Variants in NLRP3 observed in about 807,000 individuals in gnomAD.
The protein encoded by NLRP3 is NLR family pyrin domain containing 3, also known as NACHT, LRR and PYD domains-containing protein 3.
In NLRP3, 48 loss-of-function variants were observed where a neutral mutation model predicts 91.3. The observed-to-expected ratio is 0.53, with a 90% CI of 0.42 to 0.67. The LOEUF is 0.67. Ranked by LOEUF, NLRP3 falls within the 30% of genes least tolerant of loss-of-function variation. The pLI is 0.00. For missense variants in NLRP3, 982 were observed against 1,276.9 expected (o/e 0.77, Z 3.52); for synonymous variants, 561 against 507.9 (o/e 1.10, Z -1.41).
At chr1:247,447,476 A>T (rs1664659163) in intron 9 of NLRP3, among the ~76,000 whole-genome samples, 1 of 152,226 alleles carries the variant, frequency 6.6e-6, no homozygotes, top group African/African-American at 2.4e-5. Flanking sequence ...ACAAACATTC[A>T]GTATATAACA....
chr1:247,446,212 C>T (rs1044153838), intron 9 of NLRP3, among the ~76,000 whole-genome samples: 1 of 152,180 alleles, frequency 6.6e-6, no homozygotes, highest in African/African-American at 2.4e-5. Flanking sequence ...CACTTCAGGC[C>T]AGCTTCACGG....
rs150396172 is a variant in NLRP3, at chr1:247,424,087, A to G, written c.638A>G (p.His213Arg). 77 of 1,614,098 alleles carry G rather than the reference A, an allele frequency of 4.8e-5. No individual in the cohort carries two copies. In the African/African-American group the frequency reaches 9.2e-4, roughly 19 times the overall value. Residue 213 changes from histidine to arginine, a missense_variant, in exon 4 of 10, where the codon CAT becomes CGT. Coordinates refer to ENST00000336119, the MANE Select transcript of NLRP3 (RefSeq NM_001243133.2). The surrounding 1 kb of genome is among the most constrained non-coding windows in gnomAD (Gnocchi z 8.1). ...MELLFDPDDE[H>R]SEPVHTVVFQ... Reference sequence around the variant, plus strand: ...TTGCTGTTTGACCCCGATGATGAGCATTCTGAGCCTGTGCACACCGTGGTG... The same window carrying G: ...TTGCTGTTTGACCCCGATGATGAGCGTTCTGAGCCTGTGCACACCGTGGTG...
At chr1:247,448,245 G>A (rs1439816467) in intron 9 of NLRP3, among the ~76,000 whole-genome samples, 160 bp from the exon 10 acceptor site, 1 of 149,596 alleles carries the variant, frequency 6.7e-6, no homozygotes. Context: ...AGGACGCGGA[G>A]CACTCTGGGA....
chr1:247,435,487 T>C lies in NLRP3; in HGVS notation c.2493-483T>C, dbSNP rs114218772. Among the ~76,000 whole-genome samples, 1,101 of 152,288 alleles carry C rather than the reference T, an allele frequency of 7.2e-3. 13 individuals are homozygous for C. The highest frequency in any genetic ancestry group is 0.025 in the African/African-American group (1,033 of 41,552). On this transcript the variant is annotated intron_variant, in intron 6 of 9. Transcript: ENST00000336119. ...AGACTCGAAAGGGCAAATACTCTGA[T>C]TGTCCTTATAGGAGGTGTCTAGAAC...
rs776947222 is a variant in NLRP3 at position 247,425,415 on chromosome 1, T to A, written c.1966T>A (p.Ser656Thr). The A allele has an allele frequency of 1.2e-6, 2 of 1,614,188 alleles. No homozygotes were observed. Among genetic ancestry groups the A allele is most frequent in the Non-Finnish European group, 1.7e-6 (2 of 1,180,026 alleles). Residue 656 changes from serine (S) to threonine (T), a missense_variant, in exon 4 of 10, where the codon TCC (serine) becomes ACC (threonine). By Grantham distance (58) the Ser-to-Thr change is moderately conservative. Coordinates refer to ENST00000336119, the MANE Select transcript of NLRP3 (RefSeq NM_001243133.2). This position sits in a 1 kb window ranked among gnomAD's most constrained non-coding sequence, Gnocchi z 4.1. ...DYFPKIEINL[S>T]TRMDHMVSSF... ...TTTCCCCAAGATTGAGATCAATCTC[T>A]CCACCAGAATGGACCACATGGTTTC...
intron 7 of NLRP3, among the ~76,000 whole-genome samples, chr1:247,439,062 A>G (rs1299939028): frequency 1.3e-5 from 2 of 152,074 alleles, no homozygotes; most frequent in African/African-American, 4.8e-5. Context: ...CCATCCATCA[A>G]TCCATCCAAG....
intron 4 of NLRP3, among the ~76,000 whole-genome samples, chr1:247,428,523 G>C (rs1340220777): frequency 6.6e-6 from 1 of 152,176 alleles, no homozygotes; most frequent in Non-Finnish European, 1.5e-5. Context: ...CTAGGTTTTG[G>C]GAGGCCAAGA....
At chr1:247,430,717 G>A (rs904626806) in intron 5 of NLRP3, among the ~76,000 whole-genome samples, 5 of 151,976 alleles carry the variant, frequency 3.3e-5, no homozygotes, top group South Asian at 2.1e-4. Flanking sequence ...ATAGATGAGA[G>A]TTGGAGAATT....
At chr1:247,436,504 A>G (rs961633684) in intron 7 of NLRP3, among the ~76,000 whole-genome samples, 8 of 152,268 alleles carry the variant, frequency 5.3e-5, no homozygotes, top group South Asian at 2.1e-4. Context: ...TGCAGCCTCT[A>G]CACTAGGAAA....
chr1:247,443,942 C>A (rs377333668), intron 7 of NLRP3, 30 bp from the exon 8 acceptor site: 1 of 1,611,752 alleles, frequency 6.2e-7, no homozygotes, highest in Non-Finnish European at 8.5e-7. Flanking sequence ...CAGCTGGGTA[C>A]TGAGGACTCT....
intron 3 of NLRP3, 80 bp from the exon 4 acceptor site, chr1:247,423,767 C>T: frequency 7.7e-7 from 1 of 1,292,474 alleles, no homozygotes; most frequent in Admixed American, 1.9e-5. Context: ...CCACTCGCTT[C>T]CGATGACAGG....
chr1:247,440,173 C>T (rs1301789348), intron 7 of NLRP3, among the ~76,000 whole-genome samples: 2 of 152,116 alleles, frequency 1.3e-5, no homozygotes, highest in African/African-American at 4.8e-5. Flanking sequence ...ACTTTGGGTC[C>T]TCATCTCTGG....
rs201867582 is a variant in NLRP3, at chr1:247,436,088, G to A, written c.2611G>A (p.Ala871Thr). The stretch of plus-strand genomic sequence containing the variant: ...GAATGCCTTGGGAGACTCAGGAGTC[G>A]CAATTTTATGTGAAAAAGCCAAGAA... ...GENALGDSGV[A>T]ILCEKAKNPQ... The change falls in exon 7 of 10, where the codon GCA (alanine) becomes ACA (threonine). Residue 871 changes from alanine to threonine, a missense_variant. Ala to Thr is a moderately conservative substitution (Grantham distance 58). Transcript: ENST00000336119. 53 of 1,614,092 alleles carry A rather than the reference G, an allele frequency of 3.3e-5. No individual in the cohort carries two copies. The African/African-American group carries it at 4.9e-4, about 15-fold the overall frequency.
intron 4 of NLRP3, 114 bp from the exon 5 acceptor site, chr1:247,429,471 T>C: frequency 8.2e-7 from 1 of 1,219,104 alleles, no homozygotes; most frequent in Non-Finnish European, 1.2e-6. Context: ...GACCCATTTC[T>C]TAATCCCCGG....
chr1:247,434,059 T>C (rs1327376403), intron 5 of NLRP3, 44 bp from the exon 6 acceptor site: 1 of 1,261,604 alleles, frequency 7.9e-7, no homozygotes, highest in African/African-American at 1.4e-5. Context: ...AGCTCTCTGG[T>C]CAGGTGTGTT....
chr1:247,423,992 G>C lies in NLRP3; in HGVS notation c.543G>C (p.Arg181Ser). 1 of 1,614,010 alleles carries C rather than the reference G, an allele frequency of 6.2e-7. No individual in the cohort carries two copies. Among genetic ancestry groups the C allele is most frequent in the Non-Finnish European group, 8.5e-7 (1 of 1,180,002 alleles). ...AGGAGCACCGGAGCCAGCAGGAGAGGGAGCAGGAGCTTCTGGCCATCGGCA... is the reference window on the plus strand; with the variant it reads ...AGGAGCACCGGAGCCAGCAGGAGAGCGAGCAGGAGCTTCTGGCCATCGGCA... Reference protein sequence around the residue: ...LIKEHRSQQEREQELLAIGKT... With the variant: ...LIKEHRSQQESEQELLAIGKT... The change falls in exon 4 of 10, where the codon AGG (arginine) becomes AGC (serine). Residue 181 changes from arginine to serine, a missense_variant. By Grantham distance (110) the Arg-to-Ser change is moderately radical (BLOSUM62 -1). Transcript: ENST00000336119.
Position 247,424,088 on chromosome 1 carries a change from T to C in NLRP3, c.639T>C (p.His213=). ...TGCTGTTTGACCCCGATGATGAGCA[T>C]TCTGAGCCTGTGCACACCGTGGTGT... ...MELLFDPDDE[H]SEPVHTVVFQ... The change falls in exon 4 of 10, where the codon CAT becomes CAC. Residue 213 remains histidine, a synonymous_variant. Transcript: ENST00000336119. This position sits in a 1 kb window ranked among gnomAD's most constrained non-coding sequence, Gnocchi z 8.1. 6.2e-7 allele frequency: 1 copy of C among 1,613,948 alleles called. No individual in the cohort carries two copies. The highest frequency in any genetic ancestry group is 8.5e-7 in the Non-Finnish European group (1 of 1,179,992).
intron 1 of NLRP3, among the ~76,000 whole-genome samples, chr1:247,417,242 C>T (rs1662123864): frequency 6.6e-6 from 1 of 152,178 alleles, no homozygotes; most frequent in Non-Finnish European, 1.5e-5. Context: ...TGGCTCTGTT[C>T]CTTCCTGGTT....
Position 247,444,748 on chromosome 1 carries a change from G to A in NLRP3, c.2932G>A (p.Asp978Asn). Residue 978 changes from aspartate to asparagine, a missense_variant, in exon 9 of 10, where the codon GAC (aspartate) becomes AAC (asparagine). Asp to Asn is a conservative substitution (Grantham distance 23, BLOSUM62 1). Coordinates refer to ENST00000336119, the MANE Select transcript of NLRP3 (RefSeq NM_001243133.2). ...SLRKLSLGNN[D>N]LGDLGVMMFC... is the part of the protein sequence containing the mutation. ...GCGAAAGCTGAGCCTGGGCAACAAT[G>A]ACCTGGGCGACCTGGGGGTCATGAT... The A allele has an allele frequency of 1.9e-6, 3 of 1,614,162 alleles. No homozygotes were observed. Among genetic ancestry groups the A allele is most frequent in the Non-Finnish European group, 1.7e-6 (2 of 1,180,024 alleles).
Sources: gnomAD v4.1 joint callset for allele counts (sites outside exome capture counted in the v4.1 genomes callset) on GRCh38, gnomAD v4.1.1 for gene constraint, Gnocchi (gnomAD v3.1) non-coding constraint, MANE v1.5 for transcripts, NCBI Gene and HGNC (gene_info 2026-07-23, HGNC 2026-07-21) for gene names.